CNBD1: variants seen among roughly 807,000 people sequenced by gnomAD.
The protein encoded by CNBD1 is cyclic nucleotide-binding domain-containing protein 1.
Under a neutral mutation model 54.4 loss-of-function variants are expected in CNBD1, and 71 were observed. That is an observed-to-expected ratio of 1.30 (90% CI 1.08 to 1.59). The LOEUF (loss-of-function observed/expected upper bound fraction) is 1.59, where lower values mean the gene tolerates loss of function less well. Ranked by LOEUF, CNBD1 falls within the 40% of genes most tolerant of loss-of-function variation. The pLI is 0.00. For synonymous variants in CNBD1, 182 were observed against 170.7 expected (o/e 1.07, Z -0.51); for missense variants, 659 against 518.0 (o/e 1.27, Z -2.64).
At chr8:86,926,959 G>T (rs566932865) in intron 3 of CNBD1, among the ~76,000 whole-genome samples, 1 of 152,104 alleles carries the variant, frequency 6.6e-6, no homozygotes, top group African/African-American at 2.4e-5. Context: ...GCACTGATAG[G>T]GTCTGATTTC....
rs572438198 is a variant in CNBD1 at position 86,998,665 on chromosome 8, G to C, written c.431+58911G>C. On this transcript the variant is annotated intron_variant, in intron 4 of 10. Coordinates refer to ENST00000518476, the MANE Select transcript of CNBD1 (RefSeq NM_173538.3). ...TGAATACAGAATCTGAAAATAATGA[G>C]GACAACTGTATATCACTGGCCCCAT... Among the ~76,000 whole-genome samples the C allele has an allele frequency of 3.3e-5, 5 of 152,224 alleles. No homozygotes were observed. In the East Asian group the frequency reaches 9.7e-4, roughly 29 times the overall value.
intron 8 of CNBD1, among the ~76,000 whole-genome samples, chr8:87,317,735 T>C (rs1410278272): frequency 6.6e-6 from 1 of 151,930 alleles, no homozygotes; most frequent in Non-Finnish European, 1.5e-5. Context: ...GGATGAGGTA[T>C]TAGTTTTTAT....
chr8:86,974,364 C>T (rs1808294053), intron 4 of CNBD1, among the ~76,000 whole-genome samples: 1 of 151,924 alleles, frequency 6.6e-6, no homozygotes, highest in South Asian at 2.1e-4. Flanking sequence ...ATAAACATTC[C>T]CATAGTTATA....
At chr8:86,983,968 G>A (rs959258305) in intron 4 of CNBD1, among the ~76,000 whole-genome samples, 1 of 152,140 alleles carries the variant, frequency 6.6e-6, no homozygotes, top group Non-Finnish European at 1.5e-5. Context: ...AAACAATGGA[G>A]AGAATGTCTC....
At chr8:87,344,846 A>T (rs1174800756) in intron 8 of CNBD1, among the ~76,000 whole-genome samples, 1 of 152,146 alleles carries the variant, frequency 6.6e-6, no homozygotes. Flanking sequence ...AATTGAACTG[A>T]AATCATTATA....
chr8:86,935,013 G>GTTTATTTA (rs774629886), intron 3 of CNBD1, among the ~76,000 whole-genome samples: 3,838 of 49,610 alleles, frequency 0.077, 153 homozygotes, highest in African/African-American at 0.14. Context: ...GGGTTTGTTT[G>GTTTATTTA]TTTGTTTATT....
chr8:87,120,704 A>T (rs1347071805), intron 4 of CNBD1, among the ~76,000 whole-genome samples: 5 of 151,618 alleles, frequency 3.3e-5, no homozygotes. Context: ...ATTGCTATAA[A>T]CTTCCCTGTT....
intron 10 of CNBD1, among the ~76,000 whole-genome samples, chr8:87,362,385 A>C (rs1277388201): frequency 2.0e-5 from 3 of 152,124 alleles, no homozygotes; most frequent in African/African-American, 7.2e-5. Flanking sequence ...AGGAAGTGTT[A>C]GCTATTGTAC....
intron 5 of CNBD1, among the ~76,000 whole-genome samples, chr8:87,206,583 T>C (rs2130797844): frequency 6.6e-6 from 1 of 152,228 alleles, no homozygotes; most frequent in South Asian, 2.1e-4. Context: ...CAGCAGATAG[T>C]CAACATGATT....
intron 4 of CNBD1, among the ~76,000 whole-genome samples, chr8:87,190,671 T>C (rs140328252): frequency 1.2e-3 from 185 of 152,192 alleles, no homozygotes; most frequent in African/African-American, 4.2e-3. Context: ...TTTGCATGTG[T>C]CACTTTGAAG....
chr8:87,394,280 G>A (rs901551059), intron 2 of CNBD1, among the ~76,000 whole-genome samples: 5 of 151,884 alleles, frequency 3.3e-5, no homozygotes, highest in Admixed American at 6.6e-5. Flanking sequence ...ATTGGCTTCA[G>A]TTCTTATCAT....
intron 2 of CNBD1, among the ~76,000 whole-genome samples, chr8:87,398,650 A>G (rs79253059): frequency 0.019 from 2,874 of 152,138 alleles, 93 homozygotes; most frequent in African/African-American, 0.063. Flanking sequence ...TATATTCCAC[A>G]CATGCCTTTC....
At chr8:87,254,752 C>T (rs997608945) in intron 6 of CNBD1, among the ~76,000 whole-genome samples, 3 of 152,200 alleles carry the variant, frequency 2.0e-5, no homozygotes, top group Non-Finnish European at 2.9e-5. Context: ...CCCTCCCATC[C>T]TTAACAGACA....
Position 86,951,231 on chromosome 8 carries a change from C to A in CNBD1, c.431+11477C>A, listed in dbSNP as rs911916975. Among the ~76,000 whole-genome samples, 5 of 152,128 alleles carry A rather than the reference C, an allele frequency of 3.3e-5. 1 individual carries two copies. The East Asian group carries it at 5.8e-4, about 18-fold the overall frequency. On this transcript the variant is annotated intron_variant, in intron 4 of 10. Coordinates refer to ENST00000518476, the MANE Select transcript of CNBD1 (RefSeq NM_173538.3). ...GATTTTCTTAAAATAGATTTAATAT[C>A]AGGTAAAAGTACAGATAATGCAACT...
At chr8:87,364,991 C>G (rs991295871) in intron 10 of CNBD1, among the ~76,000 whole-genome samples, 1 of 151,960 alleles carries the variant, frequency 6.6e-6, no homozygotes, top group Non-Finnish European at 1.5e-5. Context: ...TATTCATATT[C>G]TTTTTGGTAT....
At chr8:87,184,450 C>T (rs1813431432) in intron 4 of CNBD1, among the ~76,000 whole-genome samples, 1 of 152,112 alleles carries the variant, frequency 6.6e-6, no homozygotes, top group Non-Finnish European at 1.5e-5. Flanking sequence ...TTGTGGACAC[C>T]CATGACAGTG....
At chr8:87,095,964 T>C (rs890208875) in intron 4 of CNBD1, among the ~76,000 whole-genome samples, 3 of 152,192 alleles carry the variant, frequency 2.0e-5, no homozygotes, top group Non-Finnish European at 4.4e-5. Context: ...GGCCCTGTTA[T>C]TGTCTTTAAA....
At position 87,155,056 on chromosome 8, in the gene CNBD1, A is replaced by C. The variant is rs1812685512; in HGVS notation, c.432-50937A>C. 2.0e-5 allele frequency among the ~76,000 whole-genome samples: 3 copies of C among 152,242 alleles called. No homozygotes were observed. The South Asian group carries it at 6.2e-4, about 32-fold the overall frequency. On this transcript the variant is annotated intron_variant, in intron 4 of 10. Coordinates refer to ENST00000518476, the MANE Select transcript of CNBD1 (RefSeq NM_173538.3). ...GGAAGATTTGCTCTAGTTCAGCACC[A>C]CCTGGGTCTGGGAGGGCAATTTTCC...
At chr8:87,355,622 A>G (rs561006387) in intron 10 of CNBD1, among the ~76,000 whole-genome samples, 1 of 152,280 alleles carries the variant, frequency 6.6e-6, no homozygotes, top group South Asian at 2.1e-4. Context: ...AATTGTAGAT[A>G]TGTACAATAA....
Sources: gnomAD v4.1 joint callset for allele counts (sites outside exome capture counted in the v4.1 genomes callset) on GRCh38, gnomAD v4.1.1 for gene constraint, MANE v1.5 for transcripts, NCBI Gene and HGNC (gene_info 2026-07-23, HGNC 2026-07-21) for gene names.